GRIA4: variants seen among roughly 807,000 people sequenced by gnomAD.
GRIA4 encodes glutamate ionotropic receptor AMPA type subunit 4, also known as glutamate receptor 4.
Under a neutral mutation model 104.0 loss-of-function variants are expected in GRIA4, and 34 were observed. That is an observed-to-expected ratio of 0.33 (90% CI 0.25 to 0.44). The LOEUF (loss-of-function observed/expected upper bound fraction) is 0.44, where lower values mean the gene tolerates loss of function less well. Among genes scored for constraint, GRIA4 ranks in the 20% least tolerant of loss-of-function variants. The pLI is 1.00. For synonymous variants in GRIA4, 386 were observed against 381.9 expected (o/e 1.01, Z -0.13); for missense variants, 750 against 1,096.5 (o/e 0.68, Z 4.46).
intron 4 of GRIA4, among the ~76,000 whole-genome samples, chr11:105,784,514 G>A (rs986195683): frequency 6.6e-6 from 1 of 152,134 alleles, no homozygotes; most frequent in African/African-American, 2.4e-5. Flanking sequence ...TGAAACCCTG[G>A]TAGACAGCAG....
chr11:105,732,931 C>A (rs1220702926), intron 3 of GRIA4, among the ~76,000 whole-genome samples: 1 of 152,192 alleles, frequency 6.6e-6, no homozygotes, highest in South Asian at 2.1e-4. Flanking sequence ...TAGCACTTTG[C>A]AGTTTATACA....
chr11:105,730,010 G>A (rs557414179), intron 3 of GRIA4, among the ~76,000 whole-genome samples: 16 of 152,306 alleles, frequency 1.1e-4, no homozygotes, highest in Non-Finnish European at 1.5e-4. Flanking sequence ...TTTCAACATA[G>A]TATTGGAAGT....
intron 6 of GRIA4, among the ~76,000 whole-genome samples, chr11:105,891,090 T>C (rs907335997): frequency 1.3e-5 from 2 of 152,154 alleles, no homozygotes; most frequent in Non-Finnish European, 2.9e-5. Context: ...AGTAAGAAAA[T>C]TGCTTCCCTA....
rs1263417581 is a variant in GRIA4 at position 105,943,878 on chromosome 11, CTCTA to C, written c.2294+9911_2294+9914del. Reference sequence around the variant, plus strand: ...CAGAAAAACAGGAAATGCTCTCTCTCTCTATATATATATATAGGAATTTATAATG... The same window carrying C: ...CAGAAAAACAGGAAATGCTCTCTCTCTATATATATATAGGAATTTATAATG... On this transcript the variant is annotated intron_variant, in intron 14 of 16. Coordinates refer to ENST00000282499, the MANE Select transcript of GRIA4 (RefSeq NM_000829.4). 3.3e-5 allele frequency among the ~76,000 whole-genome samples: 5 copies of C among 152,082 alleles called. No homozygotes were observed. In the East Asian group the frequency reaches 5.8e-4, roughly 18 times the overall value.
In GRIA4 at chr11:105,979,838, T is replaced by C. The variant is rs1381213550; in HGVS notation, c.*99T>C. 1 of 843,692 alleles carries C rather than the reference T, an allele frequency of 1.2e-6. No homozygotes were observed. Among genetic ancestry groups the C allele is most frequent in the African/African-American group, 1.7e-5 (1 of 58,994 alleles). The allele number at this position is 843,692 out of a possible 1,614,324, so 52.3% of individuals were successfully genotyped here. On this transcript the variant is annotated 3_prime_UTR_variant, in exon 17 of 17. Coordinates refer to ENST00000282499, the MANE Select transcript of GRIA4 (RefSeq NM_000829.4). ...CACGCGCGGGTCTTTGCTAAACCAA[T>C]CCTTTGGCTGAGAGCGGGAAGTCCG...
chr11:105,979,029 AC>A (rs1859138224), intron 16 of GRIA4, among the ~76,000 whole-genome samples: 1 of 152,184 alleles, frequency 6.6e-6, no homozygotes, highest in African/African-American at 2.4e-5. Context: ...ACTATATGTC[AC>A]TAATTGTGCT....
At chr11:105,794,473 G>GTATGTATA (rs1360490604) in intron 4 of GRIA4, among the ~76,000 whole-genome samples, 473 of 43,762 alleles carry the variant, frequency 0.011, 7 homozygotes, top group Admixed American at 0.032. Flanking sequence ...GTATATGTAT[G>GTATGTATA]TATATATATA....
intron 3 of GRIA4, among the ~76,000 whole-genome samples, chr11:105,615,271 C>G (rs1464005437): frequency 6.6e-6 from 1 of 151,810 alleles, no homozygotes; most frequent in African/African-American, 2.4e-5. Flanking sequence ...TAAATTAGTG[C>G]TCTAAGAATA....
Position 105,653,999 on chromosome 11 carries a change from C to CAAA in GRIA4, c.247+41591_247+41593dup. Among the ~76,000 whole-genome samples the CAAA allele has an allele frequency of 1.3e-3, 65 of 50,284 alleles. 3 individuals carry two copies. The highest frequency in any genetic ancestry group is 8.4e-3 in the East Asian group (11 of 1,306). 33.0% of individuals were successfully genotyped at this position (50,284 alleles called of 152,430 possible). On this transcript the variant is annotated intron_variant, in intron 3 of 16. Coordinates refer to ENST00000282499, the MANE Select transcript of GRIA4 (RefSeq NM_000829.4). ...TATATGCAACGGAACACTATTTAGC[C>CAAA]AAAAAAAAAAAAAAAAAAAAAAAAA...
intron 6 of GRIA4, among the ~76,000 whole-genome samples, chr11:105,889,345 A>G (rs1946383722): frequency 6.6e-6 from 1 of 152,178 alleles, no homozygotes; most frequent in Admixed American, 6.5e-5. Flanking sequence ...AAAAATCAGC[A>G]AGTTTTATTA....
intron 3 of GRIA4, among the ~76,000 whole-genome samples, chr11:105,621,448 T>C (rs1950743395): frequency 6.6e-6 from 1 of 151,576 alleles, no homozygotes; most frequent in Non-Finnish European, 1.5e-5. Flanking sequence ...CTAATATGTA[T>C]CTAGAAATAA....
At chr11:105,633,366 T>C (rs1414800692) in intron 3 of GRIA4, among the ~76,000 whole-genome samples, 1 of 152,220 alleles carries the variant, frequency 6.6e-6, no homozygotes, top group Non-Finnish European at 1.5e-5. Context: ...TTACAATCTG[T>C]TCAATAGACT....
At chr11:105,756,009 G>A (rs1388267809) in intron 4 of GRIA4, among the ~76,000 whole-genome samples, 1 of 151,954 alleles carries the variant, frequency 6.6e-6, no homozygotes, top group Non-Finnish European at 1.5e-5. Context: ...ACTGATTATT[G>A]GATTTCTCAG....
chr11:105,879,533 T>C (rs1215829134), intron 5 of GRIA4, among the ~76,000 whole-genome samples: 1 of 152,254 alleles, frequency 6.6e-6, no homozygotes, highest in Non-Finnish European at 1.5e-5. Context: ...GCTTTTCTGC[T>C]AATTTGCTTT....
At chr11:105,959,094 T>C (rs1948667286) in intron 14 of GRIA4, among the ~76,000 whole-genome samples, 1 of 152,154 alleles carries the variant, frequency 6.6e-6, no homozygotes, top group African/African-American at 2.4e-5. Context: ...TGTCTTGGGG[T>C]TGATCTTCTC....
chr11:105,702,677 C>G (rs981751136), intron 3 of GRIA4, among the ~76,000 whole-genome samples: 2 of 135,144 alleles, frequency 1.5e-5, no homozygotes, highest in Admixed American at 7.8e-5. Context: ...ATAAGATATG[C>G]AAAATTATTT....
At position 105,650,650 on chromosome 11, in the gene GRIA4, T is replaced by C. The variant is rs577210163; in HGVS notation, c.247+38216T>C. 3.9e-4 allele frequency among the ~76,000 whole-genome samples: 60 copies of C among 152,306 alleles called. 3 individuals carry two copies. In the South Asian group the frequency reaches 8.7e-3, roughly 22 times the overall value. On this transcript the variant is annotated intron_variant, in intron 3 of 16. Transcript: ENST00000282499. ...CTAGTTAGGAAGGGCAGACACTTTT[T>C]AAAAATATGAATTCCTGCCCTTGAG...
chr11:105,732,253 C>A lies in GRIA4; in HGVS notation c.248-20728C>A, dbSNP rs1187378976. 3.3e-5 allele frequency among the ~76,000 whole-genome samples: 5 copies of A among 152,124 alleles called. No individual in the cohort carries two copies. The East Asian group carries it at 9.7e-4, about 29-fold the overall frequency. ...TGCAAACAGCAAAGAGGTCACAAGCCATTGCTAGCTTCTAGAAGTGGCCTT... is the reference window on the plus strand; with the variant it reads ...TGCAAACAGCAAAGAGGTCACAAGCAATTGCTAGCTTCTAGAAGTGGCCTT... On this transcript the variant is annotated intron_variant, in intron 3 of 16. Transcript: ENST00000282499.
intron 4 of GRIA4, among the ~76,000 whole-genome samples, chr11:105,845,525 A>G (rs1450800513): frequency 1.3e-5 from 2 of 152,166 alleles, no homozygotes; most frequent in Non-Finnish European, 2.9e-5. Context: ...ACCATCTTAA[A>G]AAACACAATC....
Sources: allele counts gnomAD v4.1 joint callset (sites outside exome capture counted in the v4.1 genomes callset), GRCh38; gene constraint gnomAD v4.1.1; transcripts MANE v1.5; gene names NCBI Gene and HGNC (gene_info 2026-07-23, HGNC 2026-07-21).